The following TSPAN33 variants were observed in gnomAD, a reference collection of about 807,000 sequenced individuals.
TSPAN33 encodes the protein tetraspanin-33.
TSPAN33 carries 27 observed loss-of-function variants against 34.8 expected under a neutral mutation model. That is an observed-to-expected ratio of 0.78 (90% confidence interval 0.57 to 1.07). TSPAN33 has a LOEUF of 1.07. TSPAN33 is among the 50% of genes least tolerant of loss of function. TSPAN33 has a pLI of 0.00. For missense variants in TSPAN33, 272 were observed against 324.9 expected, an observed-to-expected ratio of 0.84 and a Z score of 1.25; for synonymous variants, 119 against 124.2, an observed-to-expected ratio of 0.96 and a Z score of 0.28.
chr7:129,150,187 T>C (rs1810574299), intron 1 of TSPAN33, among the ~76,000 whole-genome samples: 1 of 152,200 alleles, frequency 6.6e-6, no homozygotes, highest in Admixed American at 6.5e-5. Flanking sequence ...TCTTGCAGCC[T>C]GGACTTTGGA....
At chr7:129,164,428 T>G (rs1793105256) in intron 4 of TSPAN33, 46 bp from the exon 5 acceptor site, 5 of 1,546,528 alleles carry the variant, frequency 3.2e-6, no homozygotes, top group Non-Finnish European at 4.5e-6. Context: ...AGGAGCAAGT[T>G]AGGGATTAGT....
At chr7:129,149,246 G>A (rs182659050) in intron 1 of TSPAN33, among the ~76,000 whole-genome samples, 41 of 152,196 alleles carry the variant, frequency 2.7e-4, no homozygotes, top group African/African-American at 7.9e-4. Flanking sequence ...AACCATAAAC[G>A]TCAAGCAGCC....
At chr7:129,149,674 TC>T (rs34499354) in intron 1 of TSPAN33, among the ~76,000 whole-genome samples, 111,158 of 152,126 alleles carry the variant, frequency 0.73, 41,087 homozygotes, top group Non-Finnish European at 0.78. Flanking sequence ...CTTGCAGACC[TC>T]CCTTCCTCTT....
chr7:129,152,601 C>T (rs2150622231), intron 1 of TSPAN33, among the ~76,000 whole-genome samples: 1 of 152,102 alleles, frequency 6.6e-6, no homozygotes, highest in East Asian at 1.9e-4. Context: ...GCACAAGAAT[C>T]GCTTGAACCT....
At position 129,148,120 on chromosome 7, in the gene TSPAN33, C is replaced by A. The variant is rs1387158324; in HGVS notation, c.102+3038C>A. ...CGTGCAGATATTGGGGTGGTGCCTG[C>A]TTTCTCAGCTTGGCCATGTGTTGTC... On this transcript the variant is annotated intron_variant, in intron 1 of 7. Coordinates refer to ENST00000486685, the MANE Select transcript of TSPAN33 (RefSeq NM_178562.5). The surrounding 1 kb of genome is among the most constrained non-coding windows in gnomAD (Gnocchi z 4.2). Among the ~76,000 whole-genome samples, 1 of 152,134 alleles carries A rather than the reference C, an allele frequency of 6.6e-6. No individual in the cohort carries two copies. The highest frequency in any genetic ancestry group is 2.4e-5 in the African/African-American group (1 of 41,426).
chr7:129,150,188 G>A (rs1439702640), intron 1 of TSPAN33, among the ~76,000 whole-genome samples: 1 of 152,190 alleles, frequency 6.6e-6, no homozygotes, highest in East Asian at 1.9e-4. Context: ...CTTGCAGCCT[G>A]GACTTTGGAC....
chr7:129,168,337 C>T lies in TSPAN33; in HGVS notation c.*463C>T, dbSNP rs1008813626. ...ACTCCACTTGGCATGATACCAGCTC[C>T]AGAAGGGAAGGGAGTGGAGCAGGCA... is the stretch of plus-strand genomic sequence containing the variant. On this transcript the variant is annotated 3_prime_UTR_variant, in exon 8 of 8. Coordinates refer to ENST00000486685, the MANE Select transcript of TSPAN33 (RefSeq NM_178562.5). 6.0e-6 allele frequency: 1 copy of T among 167,392 alleles called. No individual in the cohort carries two copies. The highest frequency in any genetic ancestry group is 1.3e-5 in the Non-Finnish European group (1 of 77,132). The allele number at this position is 167,392 out of a possible 1,614,324, so 10.4% of individuals were successfully genotyped here.
chr7:129,147,282 AAAG>A (rs1338634590), intron 1 of TSPAN33, among the ~76,000 whole-genome samples: 7 of 152,252 alleles, frequency 4.6e-5, no homozygotes, highest in African/African-American at 1.7e-4. Context: ...TTTCTCCTCT[AAAG>A]GAGAAACAAT....
chr7:129,155,804 C>G (rs1226506250), intron 1 of TSPAN33, among the ~76,000 whole-genome samples: 2 of 152,134 alleles, frequency 1.3e-5, no homozygotes, highest in African/African-American at 4.8e-5. Context: ...TCACTGCAGC[C>G]TCAACCTCCT....
Position 129,162,032 on chromosome 7 carries a change from C to G in TSPAN33, c.160+296C>G, listed in dbSNP as rs368861924. 3.3e-5 allele frequency among the ~76,000 whole-genome samples: 5 copies of G among 152,374 alleles called. No individual in the cohort carries two copies. In the East Asian group the frequency reaches 7.7e-4, roughly 23 times the overall value. On this transcript the variant is annotated intron_variant, in intron 2 of 7. Transcript: ENST00000486685. Reference sequence around the variant, plus strand: ...CAAGGGCTTTAGCCCCTCCCTAGCTCTGTCCTGGAGAAACCCAACCACCAT... The same window carrying G: ...CAAGGGCTTTAGCCCCTCCCTAGCTGTGTCCTGGAGAAACCCAACCACCAT...
At chr7:129,161,807 G>A (rs757812981) in intron 2 of TSPAN33, 71 bp downstream of exon 2, 8 of 1,593,026 alleles carry the variant, frequency 5.0e-6, no homozygotes, top group Non-Finnish European at 5.2e-6. Flanking sequence ...CCTTCAGCCT[G>A]GCCCTCACAC....
chr7:129,161,683 T>C lies in TSPAN33; in HGVS notation c.107T>C (p.Ile36Thr), dbSNP rs758762730. ...GCTCTTTTCCTGTCTCCACAGGTGA[T>C]TTCCATGGTGATGGTGGCTGTGGGT... is the stretch of plus-strand genomic sequence containing the variant. ...LFFFNMLFWV[I>T]SMVMVAVGVY... The change falls in exon 2 of 8, where the codon ATT (isoleucine) becomes ACT (threonine). Residue 36 changes from isoleucine (I) to threonine (T), a missense_variant. By Grantham distance (89) the Ile-to-Thr change is moderately conservative. Coordinates refer to ENST00000486685, the MANE Select transcript of TSPAN33 (RefSeq NM_178562.5). 1 of 1,614,172 alleles carries C rather than the reference T, an allele frequency of 6.2e-7. No individual in the cohort carries two copies. The highest frequency in any genetic ancestry group is 1.3e-5 in the African/African-American group (1 of 75,034).
In TSPAN33 at chr7:129,165,403, GGTATTAAT is replaced by G. The variant is rs1321903504; in HGVS notation, c.459+836_459+843del. ...AGGTACCTCAAATGAAGGGACTCAC[GGTATTAAT>G]GCTTTTTTGAGTGGGTTATTTCACT... is the stretch of plus-strand genomic sequence containing the variant. On this transcript the variant is annotated intron_variant, in intron 5 of 7. Transcript: ENST00000486685. The surrounding 1 kb of genome is among the most constrained non-coding windows in gnomAD (Gnocchi z 4.5). Among the ~76,000 whole-genome samples, 2 of 152,294 alleles carry G rather than the reference GGTATTAAT, an allele frequency of 1.3e-5. No homozygotes were observed. Among genetic ancestry groups the G allele is most frequent in the African/African-American group, 4.8e-5 (2 of 41,560 alleles).
rs750092221 is a variant in TSPAN33 at position 129,167,800 on chromosome 7, C to G, written c.778C>G (p.Leu260Val). ...GGTGGGAATTCTGCTGTCCCAGATC[C>G]TAGTGAATCAGATCAAAGATCAGAT... ...QLVGILLSQI[L>V]VNQIKDQIKL... Residue 260 changes from leucine to valine, a missense_variant, in exon 8 of 8, where the codon CTA (leucine) becomes GTA (valine). Leu to Val is a conservative substitution (Grantham distance 32, BLOSUM62 1). Transcript: ENST00000486685. This position sits in a 1 kb window ranked among gnomAD's most constrained non-coding sequence, Gnocchi z 4.6. 1 of 1,614,194 alleles carries G rather than the reference C, an allele frequency of 6.2e-7. No individual in the cohort carries two copies. The highest frequency in any genetic ancestry group is 8.5e-7 in the Non-Finnish European group (1 of 1,180,044).
intron 1 of TSPAN33, among the ~76,000 whole-genome samples, chr7:129,153,934 A>G (rs1243310453): frequency 6.6e-6 from 1 of 151,900 alleles, no homozygotes; most frequent in East Asian, 1.9e-4. Context: ...AAAGCAAGAC[A>G]CTGCCTCAAA....
intron 1 of TSPAN33, among the ~76,000 whole-genome samples, chr7:129,156,695 G>T (rs1429751033): frequency 6.6e-6 from 1 of 152,108 alleles, no homozygotes; most frequent in African/African-American, 2.4e-5. Flanking sequence ...CATTGATGAG[G>T]ATACTGATGT....
At chr7:129,151,349 C>G (rs1217256135) in intron 1 of TSPAN33, among the ~76,000 whole-genome samples, 1 of 152,058 alleles carries the variant, frequency 6.6e-6, no homozygotes, top group East Asian at 1.9e-4. Flanking sequence ...CAAATCCTGG[C>G]CTCAAATGAT....
chr7:129,164,338 C>G, intron 4 of TSPAN33, 136 bp from the exon 5 acceptor site: 1 of 759,334 alleles, frequency 1.3e-6, no homozygotes, highest in Non-Finnish European at 2.2e-6. Flanking sequence ...CGGCTATCTT[C>G]CACCATTAGG....
At position 129,148,869 on chromosome 7, in the gene TSPAN33, C is replaced by T. The variant is rs1810554738; in HGVS notation, c.102+3787C>T. On this transcript the variant is annotated intron_variant, in intron 1 of 7. Transcript: ENST00000486685. The surrounding 1 kb of genome is among the most constrained non-coding windows in gnomAD (Gnocchi z 4.2). ...TACTGTATTGGAGTCCTTGGGCACT[C>T]AGAATCACCCAGGCCACTCTCAGCA... Among the ~76,000 whole-genome samples, 1 of 152,162 alleles carries T rather than the reference C, an allele frequency of 6.6e-6. No individual in the cohort carries two copies. Among genetic ancestry groups the T allele is most frequent in the South Asian group, 2.1e-4 (1 of 4,824 alleles).
Sources: gnomAD v4.1 joint callset for allele counts (sites outside exome capture counted in the v4.1 genomes callset) on GRCh38, gnomAD v4.1.1 for gene constraint, Gnocchi (gnomAD v3.1) non-coding constraint, MANE v1.5 for transcripts, NCBI Gene and HGNC (gene_info 2026-07-23, HGNC 2026-07-21) for gene names.